The following SHROOM3 variants were observed in gnomAD, a reference collection of about 807,000 sequenced individuals.
SHROOM3 encodes shroom family member 3.
Under a neutral mutation model 138.6 loss-of-function variants are expected in SHROOM3, and 47 were observed. The ratio of observed to expected loss-of-function variants is 0.34; its 90% CI spans 0.27 to 0.43. The LOEUF is 0.43. Among genes scored for constraint, SHROOM3 ranks in the 20% least tolerant of loss-of-function variants. The pLI, the probability that SHROOM3 is intolerant of heterozygous loss-of-function variation, is 1.00. For synonymous variants in SHROOM3, 1,062 were observed against 1,063.3 expected (o/e 1.00, Z 0.02); for missense variants, 2,491 against 2,596.5 (o/e 0.96, Z 0.88).
At chr4:76,440,464 G>A (rs1262985458) in intron 1 of SHROOM3, among the ~76,000 whole-genome samples, 1 of 152,160 alleles carries the variant, frequency 6.6e-6, no homozygotes, top group African/African-American at 2.4e-5. Context: ...GTATGGGATT[G>A]ATATTTCATT....
At chr4:76,586,576 T>G (rs1734159805) in intron 2 of SHROOM3, 1 of 713,396 alleles carries the variant, frequency 1.4e-6, no homozygotes, top group African/African-American at 1.9e-5. Flanking sequence ...AGGGAAGTTG[T>G]TCAAGTTAGG....
chr4:76,535,117 C>A (rs929801370), intron 1 of SHROOM3, among the ~76,000 whole-genome samples: 4 of 152,152 alleles, frequency 2.6e-5, no homozygotes, highest in Non-Finnish European at 4.4e-5. Context: ...AATCTACTAC[C>A]TTGCATTGCT....
Position 76,479,634 on chromosome 4 carries a change from C to T in SHROOM3, c.168+43414C>T, listed in dbSNP as rs372084430. ...CAAATTCAGGAAATACAGAGAATAC[C>T]ATAAAGATACTCCTCAAGAAGAACA... On this transcript the variant is annotated intron_variant, in intron 1 of 10. Coordinates refer to ENST00000296043, the MANE Select transcript of SHROOM3 (RefSeq NM_020859.4). Among the ~76,000 whole-genome samples, 9 of 152,156 alleles carry T rather than the reference C, an allele frequency of 5.9e-5. No homozygotes were observed. The East Asian group carries it at 9.7e-4, about 16-fold the overall frequency.
chr4:76,717,421 A>G (rs1472094247), intron 3 of SHROOM3, among the ~76,000 whole-genome samples: 1 of 152,162 alleles, frequency 6.6e-6, no homozygotes, highest in African/African-American at 2.4e-5. Context: ...TATTGTTTCA[A>G]GAATTTCTTT....
chr4:76,558,261 A>C (rs1733527771), intron 2 of SHROOM3, among the ~76,000 whole-genome samples: 1 of 152,208 alleles, frequency 6.6e-6, no homozygotes, highest in African/African-American at 2.4e-5. Flanking sequence ...TATGGGGTTG[A>C]AATCTGGTCT....
At chr4:76,638,810 T>C (rs1256860922) in intron 2 of SHROOM3, 1 of 152,344 alleles carries the variant, frequency 6.6e-6, no homozygotes, top group East Asian at 1.9e-4. Context: ...TCCCATCTTA[T>C]CTTTTCCTTC....
At chr4:76,490,227 G>A (rs1029947215) in intron 1 of SHROOM3, among the ~76,000 whole-genome samples, 1 of 152,158 alleles carries the variant, frequency 6.6e-6, no homozygotes, top group African/African-American at 2.4e-5. Context: ...CTATGAAAAG[G>A]AAGACTTAGC....
At chr4:76,746,781 CATTATTATTATTATTATTATTATTATT>C (rs199823641) in intron 5 of SHROOM3, among the ~76,000 whole-genome samples, 6 of 140,586 alleles carry the variant, frequency 4.3e-5, no homozygotes, top group South Asian at 2.3e-4. Flanking sequence ...TTTAGATTTA[CATTATTATTATTATTATTATTATTATT>C]ATTATTATTA....
At chr4:76,446,951 T>C (rs1208843061) in intron 1 of SHROOM3, among the ~76,000 whole-genome samples, 1 of 152,214 alleles carries the variant, frequency 6.6e-6, no homozygotes, top group African/African-American at 2.4e-5. Context: ...TCTGGTTTCA[T>C]GATGGTCACT....
chr4:76,672,721 C>G (rs1046675503), intron 2 of SHROOM3, among the ~76,000 whole-genome samples: 2 of 152,094 alleles, frequency 1.3e-5, no homozygotes, highest in African/African-American at 2.4e-5. Flanking sequence ...TACAGGCTCC[C>G]GCCACCACGC....
chr4:76,581,437 G>A (rs1384823490), intron 2 of SHROOM3, among the ~76,000 whole-genome samples: 2 of 152,088 alleles, frequency 1.3e-5, no homozygotes, highest in Non-Finnish European at 2.9e-5. Context: ...TATCATAAGT[G>A]GTTTATGTCC....
intron 4 of SHROOM3, among the ~76,000 whole-genome samples, chr4:76,732,977 A>T (rs1417575659): frequency 6.6e-6 from 1 of 152,202 alleles, no homozygotes; most frequent in Non-Finnish European, 1.5e-5. Flanking sequence ...TCAGGACACC[A>T]TGAAACCTGG....
Position 76,740,128 on chromosome 4 carries a change from C to T in SHROOM3, c.1955C>T (p.Ser652Leu). ...AGAGAAGGCCTAGGCCAGAGCCTGT[C>T]AGGCAACTTTGGCAAGACCAAGTCA... ...LEREGLGQSL[S>L]GNFGKTKSAF... The change falls in exon 5 of 11, where the codon TCA (serine) becomes TTA (leucine). Residue 652 changes from serine to leucine, a missense_variant. By Grantham distance (145) the Ser-to-Leu change is moderately radical. Transcript: ENST00000296043. This position sits in a 1 kb window ranked among gnomAD's most constrained non-coding sequence, Gnocchi z 4.0. 1 of 1,613,866 alleles carries T rather than the reference C, an allele frequency of 6.2e-7. No homozygotes were observed.
chr4:76,467,658 T>TCA (rs1222768483), intron 1 of SHROOM3, among the ~76,000 whole-genome samples: 5 of 152,136 alleles, frequency 3.3e-5, no homozygotes, highest in Non-Finnish European at 7.4e-5. Flanking sequence ...ACAAGTGAAG[T>TCA]CACTGCAACT....
intron 10 of SHROOM3, among the ~76,000 whole-genome samples, chr4:76,772,412 C>A (rs1367174323): frequency 6.6e-6 from 1 of 151,126 alleles, no homozygotes; most frequent in Admixed American, 6.6e-5. Context: ...CCTACCATAC[C>A]ATCTTTCTTT....
intron 2 of SHROOM3, among the ~76,000 whole-genome samples, chr4:76,569,650 T>A (rs149815675): frequency 6.6e-5 from 10 of 152,142 alleles, no homozygotes; most frequent in South Asian, 2.1e-4. Flanking sequence ...CTTCTCTCTC[T>A]CACACATCTT....
At chr4:76,527,558 G>A (rs1732719819) in intron 1 of SHROOM3, among the ~76,000 whole-genome samples, 1 of 152,234 alleles carries the variant, frequency 6.6e-6, no homozygotes, top group Non-Finnish European at 1.5e-5. Flanking sequence ...ACTCCAGCCT[G>A]TAACGTTTCA....
chr4:76,455,639 C>A (rs1355984538), intron 1 of SHROOM3, among the ~76,000 whole-genome samples: 1 of 152,020 alleles, frequency 6.6e-6, no homozygotes, highest in Non-Finnish European at 1.5e-5. Context: ...AAAGAATAAC[C>A]AAGGGTCAAA....
intron 1 of SHROOM3, among the ~76,000 whole-genome samples, chr4:76,460,126 A>T (rs1296838793): frequency 6.6e-6 from 1 of 152,174 alleles, no homozygotes; most frequent in Non-Finnish European, 1.5e-5. Context: ...ATCAAAAGAG[A>T]TTACTTTTTT....
Sources: allele counts gnomAD v4.1 joint callset (sites outside exome capture counted in the v4.1 genomes callset), GRCh38; gene constraint gnomAD v4.1.1; non-coding constraint Gnocchi (gnomAD v3.1); transcripts MANE v1.5; gene names NCBI Gene and HGNC (gene_info 2026-07-23, HGNC 2026-07-21).